CFDP1: variants seen among roughly 807,000 people sequenced by gnomAD.
The protein encoded by CFDP1 is chromatin remodeling protein CFDP1.
In CFDP1, 31 loss-of-function variants were observed where a neutral mutation model predicts 40.1. That is an observed-to-expected ratio of 0.77 (90% CI 0.58 to 1.04). CFDP1 has a LOEUF of 1.04. CFDP1 is among the 50% of genes least tolerant of loss of function. The pLI is 0.00. For missense variants in CFDP1, 423 were observed against 343.4 expected, an observed-to-expected ratio of 1.23 and a Z score of -1.83; for synonymous variants, 167 against 120.0, an observed-to-expected ratio of 1.39 and a Z score of -2.56.
intron 5 of CFDP1, among the ~76,000 whole-genome samples, chr16:75,365,109 G>C (rs1391337751): frequency 1.3e-5 from 2 of 151,992 alleles, no homozygotes; most frequent in Non-Finnish European, 2.9e-5. Context: ...TTAAATATTT[G>C]GTATATTAAT....
At chr16:75,354,692 G>C (rs963653346) in intron 5 of CFDP1, among the ~76,000 whole-genome samples, 3 of 107,924 alleles carry the variant, frequency 2.8e-5, no homozygotes, top group Non-Finnish European at 6.8e-5. Flanking sequence ...GGTGGGGAAA[G>C]GGAAAAGTGC....
intron 5 of CFDP1, among the ~76,000 whole-genome samples, chr16:75,390,305 C>A (rs895560601): frequency 6.6e-6 from 1 of 152,222 alleles, no homozygotes; most frequent in African/African-American, 2.4e-5. Flanking sequence ...CCACTGAGCC[C>A]TCTTCTCAAC....
intron 4 of CFDP1, among the ~76,000 whole-genome samples, chr16:75,411,360 G>A (rs1254874023): frequency 1.3e-5 from 2 of 152,068 alleles, no homozygotes; most frequent in African/African-American, 4.8e-5. Context: ...GCAGGGAGCC[G>A]AGATCACGCC....
chr16:75,392,763 T>C (rs1198959824), intron 5 of CFDP1, among the ~76,000 whole-genome samples: 5 of 152,348 alleles, frequency 3.3e-5, no homozygotes, highest in South Asian at 4.1e-4. Flanking sequence ...TATTTTCTCT[T>C]AATTGATTAT....
In CFDP1 at chr16:75,429,780, G is replaced by A. The variant is rs143810888; in HGVS notation, c.64+3509C>T. On this transcript the variant is annotated intron_variant, in intron 1 of 6. Coordinates refer to ENST00000283882, the MANE Select transcript of CFDP1 (RefSeq NM_006324.3). ...AATGAATGTAAATATTTTGGGAGAT[G>A]ATTTATACAATTCTAAAAGTTTAGA... Among the ~76,000 whole-genome samples, 76 of 152,332 alleles carry A rather than the reference G, an allele frequency of 5.0e-4. 2 individuals carry two copies. In the East Asian group the frequency reaches 0.011, roughly 23 times the overall value.
chr16:75,306,811 A>T (rs2078260256), intron 5 of CFDP1, among the ~76,000 whole-genome samples: 1 of 151,828 alleles, frequency 6.6e-6, no homozygotes, highest in South Asian at 2.1e-4. Flanking sequence ...ATGAGCTTTC[A>T]ATTCATATCT....
intron 5 of CFDP1, among the ~76,000 whole-genome samples, chr16:75,316,686 G>T (rs2078325004): frequency 6.7e-6 from 1 of 150,104 alleles, no homozygotes; most frequent in South Asian, 2.1e-4. Flanking sequence ...AAAAGTAAAA[G>T]AGGCCGGGCG....
At chr16:75,410,690 C>T (rs1236188963) in intron 4 of CFDP1, among the ~76,000 whole-genome samples, 3 of 151,382 alleles carry the variant, frequency 2.0e-5, no homozygotes, top group Non-Finnish European at 4.4e-5. Context: ...GGGCGGATCA[C>T]GAGGTCAGGA....
At chr16:75,390,378 G>C (rs986169543) in intron 5 of CFDP1, among the ~76,000 whole-genome samples, 2 of 152,236 alleles carry the variant, frequency 1.3e-5, no homozygotes, top group Admixed American at 1.3e-4. Context: ...AAAGAATTCT[G>C]TGCTAAGTCA....
At chr16:75,399,880 T>C (rs1567672411) in intron 4 of CFDP1, among the ~76,000 whole-genome samples, 1 of 151,966 alleles carries the variant, frequency 6.6e-6, no homozygotes, top group Non-Finnish European at 1.5e-5. Context: ...GGCAGGCGGA[T>C]CACCTGAGGT....
chr16:75,414,502 C>A, intron 2 of CFDP1, 76 bp downstream of exon 2: 1 of 861,858 alleles, frequency 1.2e-6, no homozygotes, highest in South Asian at 1.4e-5. Context: ...TTAAATCTAT[C>A]ATGAGACCAA....
intron 6 of CFDP1, among the ~76,000 whole-genome samples, chr16:75,299,842 G>C (rs1236990646): frequency 6.6e-6 from 1 of 152,162 alleles, no homozygotes; most frequent in Admixed American, 6.5e-5. Flanking sequence ...AAACCGGGTA[G>C]TGTGACTGAG....
chr16:75,294,244 A>T (rs904012481), intron 6 of CFDP1, among the ~76,000 whole-genome samples: 4 of 152,226 alleles, frequency 2.6e-5, no homozygotes, highest in African/African-American at 9.6e-5. Flanking sequence ...CAGCTTATCA[A>T]TGAGAAAGTA....
intron 5 of CFDP1, among the ~76,000 whole-genome samples, chr16:75,390,849 G>GGGT (rs1274940335): frequency 6.6e-6 from 1 of 152,150 alleles, no homozygotes; most frequent in Non-Finnish European, 1.5e-5. Context: ...TCAGGCCTAG[G>GGGT]GGTAGTAATA....
At chr16:75,368,693 T>A (rs2078732960) in intron 5 of CFDP1, among the ~76,000 whole-genome samples, 1 of 152,076 alleles carries the variant, frequency 6.6e-6, no homozygotes, top group Non-Finnish European at 1.5e-5. Context: ...TCTTTCTTTT[T>A]TTTTTTTAGA....
chr16:75,316,593 A>G (rs1597326547), intron 5 of CFDP1, among the ~76,000 whole-genome samples: 1 of 151,126 alleles, frequency 6.6e-6, no homozygotes, highest in Non-Finnish European at 1.5e-5. Flanking sequence ...AAAAAAAAAA[A>G]AAGTCCTATT....
chr16:75,377,596 T>A (rs939655629), intron 5 of CFDP1, among the ~76,000 whole-genome samples: 3 of 152,144 alleles, frequency 2.0e-5, no homozygotes, highest in African/African-American at 7.2e-5. Flanking sequence ...AGAGAAGATA[T>A]GAAAAAGACT....
intron 1 of CFDP1, among the ~76,000 whole-genome samples, chr16:75,423,486 AG>A (rs1301222402): frequency 6.6e-6 from 1 of 151,618 alleles, no homozygotes; most frequent in Non-Finnish European, 1.5e-5. Flanking sequence ...TTTTTAGTAG[AG>A]ACTGGGTTTC....
intron 5 of CFDP1, chr16:75,394,765 G>A (rs1370400034): frequency 6.3e-6 from 1 of 159,870 alleles, no homozygotes; most frequent in Admixed American, 6.7e-5. Flanking sequence ...CTGGGCTCAA[G>A]GGATCCTCCT....
Sources: gnomAD v4.1 joint callset for allele counts (sites outside exome capture counted in the v4.1 genomes callset) on GRCh38, gnomAD v4.1.1 for gene constraint, MANE v1.5 for transcripts, NCBI Gene and HGNC (gene_info 2026-07-23, HGNC 2026-07-21) for gene names.